The following NELL1 variants were observed in gnomAD, a reference collection of about 807,000 sequenced individuals.
NELL1 encodes neural EGFL like 1.
A neutral mutation model predicts 107.4 loss-of-function variants in NELL1; 76 were observed. That is an observed-to-expected ratio of 0.71 (90% confidence interval 0.59 to 0.86). The LOEUF (loss-of-function observed/expected upper bound fraction) is 0.86, where lower values mean the gene tolerates loss of function less well. NELL1 is among the 40% of genes least tolerant of loss of function. NELL1 has a pLI of 0.00. For missense variants in NELL1, 1,024 were observed against 1,005.5 expected (o/e 1.02, Z -0.25); for synonymous variants, 353 against 341.2 (o/e 1.03, Z -0.38).
chr11:21,348,102 G>GAAAAAA (rs72355949), intron 14 of NELL1, among the ~76,000 whole-genome samples: 51,501 of 151,840 alleles, frequency 0.34, 9,014 homozygotes, highest in South Asian at 0.4. Flanking sequence ...GGGTTGCAAT[G>GAAAAAA]TCTTCCAGAA....
intron 13 of NELL1, among the ~76,000 whole-genome samples, chr11:21,179,379 C>T (rs1856778707): frequency 6.6e-6 from 1 of 151,738 alleles, no homozygotes; most frequent in African/African-American, 2.4e-5. Flanking sequence ...TGTAATAAAT[C>T]ATCTCAAAAC....
intron 2 of NELL1, among the ~76,000 whole-genome samples, chr11:20,757,242 A>G (rs545172709): frequency 6.6e-6 from 1 of 152,192 alleles, no homozygotes; most frequent in Admixed American, 6.5e-5. Context: ...TACATTCACA[A>G]TGTTGTGCAA....
chr11:20,951,639 G>C (rs1027249135), intron 11 of NELL1, among the ~76,000 whole-genome samples: 1 of 152,098 alleles, frequency 6.6e-6, no homozygotes, highest in African/African-American at 2.4e-5. Flanking sequence ...AGGGCTGTTG[G>C]AGCAGCTGGG....
At chr11:21,410,132 A>C (rs1487964363) in intron 15 of NELL1, among the ~76,000 whole-genome samples, 1 of 151,990 alleles carries the variant, frequency 6.6e-6, no homozygotes, top group Admixed American at 6.6e-5. Context: ...TTTAAGTGGG[A>C]CATTGTTTTT....
At chr11:21,209,236 A>C (rs1857449185) in intron 13 of NELL1, among the ~76,000 whole-genome samples, 1 of 151,718 alleles carries the variant, frequency 6.6e-6, no homozygotes, top group Non-Finnish European at 1.5e-5. Context: ...TTCAGATTTT[A>C]CATTCTAGGA....
At chr11:21,125,067 A>C (rs1855458538) in intron 13 of NELL1, among the ~76,000 whole-genome samples, 1 of 152,208 alleles carries the variant, frequency 6.6e-6, no homozygotes, top group Admixed American at 6.5e-5. Context: ...GAATAAAAAC[A>C]TTCAGACATT....
Position 21,257,999 on chromosome 11 carries a change from A to G in NELL1, c.1549+28545A>G, listed in dbSNP as rs185798122. Among the ~76,000 whole-genome samples, 365 of 152,160 alleles carry G rather than the reference A, an allele frequency of 2.4e-3. 1 individual carries two copies. Among genetic ancestry groups the G allele is most frequent in the South Asian group, 5.4e-3 (26 of 4,828 alleles). ...GGAAGAGGGAGACACATTGGTGGGA[A>G]GAGAGAAAGGACCATGACTCTTTGT... On this transcript the variant is annotated intron_variant, in intron 14 of 19. Transcript: ENST00000357134.
chr11:20,969,952 C>G (rs2134227648), intron 12 of NELL1, among the ~76,000 whole-genome samples: 1 of 151,980 alleles, frequency 6.6e-6, no homozygotes, highest in East Asian at 1.9e-4. Context: ...CATTATTATA[C>G]CAACAATATT....
intron 15 of NELL1, among the ~76,000 whole-genome samples, chr11:21,518,205 A>T (rs2133952392): frequency 6.6e-6 from 1 of 151,880 alleles, no homozygotes; most frequent in East Asian, 1.9e-4. Flanking sequence ...TGTGAATTTG[A>T]CAAAAGCTTT....
At chr11:21,371,329 T>A (rs1345667565) in intron 15 of NELL1, among the ~76,000 whole-genome samples, 1 of 152,124 alleles carries the variant, frequency 6.6e-6, no homozygotes, top group African/African-American at 2.4e-5. Flanking sequence ...GAATCTAAAT[T>A]AGCAGCACAT....
At chr11:21,233,994 T>C (rs909540859) in intron 14 of NELL1, among the ~76,000 whole-genome samples, 3 of 152,206 alleles carry the variant, frequency 2.0e-5, no homozygotes, top group African/African-American at 7.2e-5. Context: ...CCATTTAGTG[T>C]TGGGGAAAGA....
At chr11:21,400,572 C>T (rs1236113668) in intron 15 of NELL1, among the ~76,000 whole-genome samples, 1 of 151,822 alleles carries the variant, frequency 6.6e-6, no homozygotes, top group Non-Finnish European at 1.5e-5. Flanking sequence ...TTAACGTAAT[C>T]TTGAAAGTTG....
At chr11:21,142,425 T>C (rs769183131) in intron 13 of NELL1, among the ~76,000 whole-genome samples, 1 of 152,256 alleles carries the variant, frequency 6.6e-6, no homozygotes, top group African/African-American at 2.4e-5. Context: ...GTCCCAAGTA[T>C]GACTTAGGGT....
At chr11:21,278,030 C>T (rs772635187) in intron 14 of NELL1, among the ~76,000 whole-genome samples, 1 of 136,726 alleles carries the variant, frequency 7.3e-6, no homozygotes, top group African/African-American at 2.7e-5. Context: ...CACATGTACC[C>T]TAAAACTTGA....
rs141061616 is a variant in NELL1, at chr11:21,106,657, TA to T, written c.1301-6930del. ...GAGAGAGATAGCTGGCTTTCTGTGT[TA>T]AGAAAAATAAGAAAGACTTGATTTC... On this transcript the variant is annotated intron_variant, in intron 12 of 19. Transcript: ENST00000357134. 6.1e-4 allele frequency among the ~76,000 whole-genome samples: 93 copies of T among 152,292 alleles called. 1 individual carries two copies. The highest frequency in any genetic ancestry group is 2.1e-3 in the African/African-American group (88 of 41,576).
At chr11:20,851,598 C>T (rs1418739233) in intron 4 of NELL1, among the ~76,000 whole-genome samples, 4 of 152,164 alleles carry the variant, frequency 2.6e-5, no homozygotes, top group Admixed American at 6.5e-5. Context: ...ACAGAATCCA[C>T]CAACATCTGG....
At chr11:21,478,003 A>C (rs1416653212) in intron 15 of NELL1, among the ~76,000 whole-genome samples, 1 of 152,008 alleles carries the variant, frequency 6.6e-6, no homozygotes, top group African/African-American at 2.4e-5. Context: ...TCACACTGCT[A>C]TAAAGATACT....
chr11:20,671,965 A>G (rs950108896), intron 1 of NELL1, among the ~76,000 whole-genome samples: 7 of 152,316 alleles, frequency 4.6e-5, no homozygotes, highest in African/African-American at 1.7e-4. Flanking sequence ...CAGCAAAGGC[A>G]GGGAAGCATG....
intron 12 of NELL1, among the ~76,000 whole-genome samples, chr11:20,996,275 A>G (rs1428103482): frequency 6.6e-6 from 1 of 152,152 alleles, no homozygotes. Flanking sequence ...TCTTTCCCTT[A>G]TGCTCAAGAT....
Sources: allele counts gnomAD v4.1 joint callset (sites outside exome capture counted in the v4.1 genomes callset), GRCh38; gene constraint gnomAD v4.1.1; transcripts MANE v1.5; gene names NCBI Gene and HGNC (gene_info 2026-07-23, HGNC 2026-07-21).